Variants in AOX1 observed in about 807,000 individuals in gnomAD.
The protein encoded by AOX1 is aldehyde oxidase.
AOX1 carries 153 observed loss-of-function variants against 169.5 expected under a neutral mutation model. The ratio of observed to expected loss-of-function variants is 0.90; its 90% confidence interval spans 0.79 to 1.03. AOX1 has a LOEUF of 1.03. Among genes scored for constraint, AOX1 ranks in the 50% least tolerant of loss-of-function variants. AOX1 has a pLI of 0.00. For missense variants in AOX1, 1,656 were observed against 1,663.9 expected, an observed-to-expected ratio of 1.00 and a Z score of 0.08; for synonymous variants, 562 against 581.9, an observed-to-expected ratio of 0.97 and a Z score of 0.49.
chr2:200,663,500 A>G (rs1045470940), intron 31 of AOX1, among the ~76,000 whole-genome samples: 10 of 151,568 alleles, frequency 6.6e-5, no homozygotes, highest in African/African-American at 2.2e-4. Context: ...GAGCATCCTT[A>G]TGCTTTCAAG....
At chr2:200,643,747 C>T (rs761331582) in intron 25 of AOX1, among the ~76,000 whole-genome samples, 4 of 152,104 alleles carry the variant, frequency 2.6e-5, no homozygotes, top group Admixed American at 2.0e-4. Context: ...TGATTATGGC[C>T]ATTCTTGCAA....
chr2:200,627,203 T>G, intron 19 of AOX1, 150 bp from the exon 20 acceptor site: 1 of 617,922 alleles, frequency 1.6e-6, no homozygotes, highest in Admixed American at 2.6e-5. Flanking sequence ...GATTCTTAGC[T>G]TGGCTCACCA....
chr2:200,605,786 T>A (rs1231363696), intron 10 of AOX1, among the ~76,000 whole-genome samples, 158 bp downstream of exon 10: 1 of 152,218 alleles, frequency 6.6e-6, no homozygotes, highest in African/African-American at 2.4e-5. Flanking sequence ...ATAAATGTCT[T>A]CTTTTGAGGA....
At chr2:200,661,267 G>A (rs1416056266) in intron 29 of AOX1, among the ~76,000 whole-genome samples, 2 of 152,162 alleles carry the variant, frequency 1.3e-5, no homozygotes, top group Non-Finnish European at 2.9e-5. Context: ...TTTCTAAAAT[G>A]TCCCATCTTA....
At chr2:200,660,514 T>G (rs888446957) in intron 29 of AOX1, among the ~76,000 whole-genome samples, 1 of 152,226 alleles carries the variant, frequency 6.6e-6, no homozygotes, top group African/African-American at 2.4e-5. Flanking sequence ...GGGTATATGT[T>G]CATCCAGTAA....
At chr2:200,675,300 A>G (rs1327151022), downstream of AOX1, among the ~76,000 whole-genome samples, 3 of 152,226 alleles carry the variant, frequency 2.0e-5, no homozygotes, top group Non-Finnish European at 2.9e-5. Flanking sequence ...CAGATAGATA[A>G]ATAAAAAACC....
intron 21 of AOX1, among the ~76,000 whole-genome samples, chr2:200,636,246 A>G (rs1014356282): frequency 4.8e-5 from 7 of 146,068 alleles, no homozygotes; most frequent in Non-Finnish European, 1.0e-4. Context: ...CTCCGGCCTC[A>G]GCCTCCTGAG....
At chr2:200,638,474 C>T (rs2035286363) in intron 23 of AOX1, among the ~76,000 whole-genome samples, 172 bp downstream of exon 23, 2 of 152,270 alleles carry the variant, frequency 1.3e-5, no homozygotes, top group Admixed American at 6.5e-5. Context: ...CTAGCTGGTT[C>T]AATGGAGGCT....
rs1428935186 is a variant in AOX1, at chr2:200,634,816, A to T, written c.2247A>T (p.Glu749Asp). 1.2e-6 allele frequency: 2 copies of T among 1,614,072 alleles called. No homozygotes were observed. The highest frequency in any genetic ancestry group is 1.7e-6 in the Non-Finnish European group (2 of 1,179,978). The change falls in exon 21 of 35, where the codon GAA becomes GAT. Residue 749 changes from glutamate to aspartate, a missense_variant. Physicochemically the swap from Glu to Asp is conservative, Grantham distance 45 (BLOSUM62 2). Coordinates refer to ENST00000374700, the MANE Select transcript of AOX1 (RefSeq NM_001159.4). ...GTGAAATACATATGGGAGGTCAAGA[A>T]CATTTTTATATGGAAACCCAAAGCA... The part of the protein sequence containing the change: ...LEGEIHMGGQ[E>D]HFYMETQSML...
downstream of AOX1, among the ~76,000 whole-genome samples, chr2:200,680,876 C>G (rs2036146704): frequency 1.3e-5 from 2 of 152,212 alleles, no homozygotes; most frequent in Non-Finnish European, 2.9e-5. Context: ...GATTTTTAAA[C>G]TTACATACTG....
At chr2:200,637,355 G>A (rs544352964) in intron 22 of AOX1, among the ~76,000 whole-genome samples, 3 of 152,156 alleles carry the variant, frequency 2.0e-5, no homozygotes, top group African/African-American at 7.2e-5. Flanking sequence ...TATATGTAGA[G>A]GTCATATATA....
At chr2:200,632,368 A>T (rs556176369) in intron 20 of AOX1, among the ~76,000 whole-genome samples, 1 of 151,344 alleles carries the variant, frequency 6.6e-6, no homozygotes, top group Non-Finnish European at 1.5e-5. Flanking sequence ...ATAAAATATC[A>T]CAGTCTGGTT....
intron 12 of AOX1, 80 bp downstream of exon 12, chr2:200,609,494 C>A: frequency 8.2e-7 from 1 of 1,215,972 alleles, no homozygotes; most frequent in Non-Finnish European, 1.2e-6. Flanking sequence ...GAAATCCAGT[C>A]TTGAAAATGA....
chr2:200,610,824 C>CT (rs899718778), intron 12 of AOX1, among the ~76,000 whole-genome samples: 5 of 152,060 alleles, frequency 3.3e-5, no homozygotes, highest in African/African-American at 1.2e-4. Flanking sequence ...TCTGTGAGAT[C>CT]TTTTCATCTA....
At chr2:200,646,825 T>C (rs1268867268) in intron 25 of AOX1, among the ~76,000 whole-genome samples, 1 of 152,208 alleles carries the variant, frequency 6.6e-6, no homozygotes, top group Non-Finnish European at 1.5e-5. Flanking sequence ...TCTTTGTCTC[T>C]TTTAACTCTG....
intron 1 of AOX1, among the ~76,000 whole-genome samples, chr2:200,586,781 C>T (rs1029237352): frequency 2.0e-5 from 3 of 152,236 alleles, no homozygotes. Flanking sequence ...TGGGTGCGGG[C>T]TCTGTCGCCT....
downstream of AOX1, among the ~76,000 whole-genome samples, chr2:200,671,769 A>G (rs190478171): frequency 5.9e-5 from 9 of 152,326 alleles, no homozygotes; most frequent in East Asian, 5.8e-4. Flanking sequence ...GGAGTTAAAC[A>G]TAGTTAACAT....
At chr2:200,609,285 A>C (rs1267794910) in intron 11 of AOX1, 36 bp from the exon 12 acceptor site, 3 of 1,601,974 alleles carry the variant, frequency 1.9e-6, no homozygotes, top group East Asian at 4.5e-5. Flanking sequence ...CTTTTTTATG[A>C]TTACATAAAT....
intron 20 of AOX1, among the ~76,000 whole-genome samples, chr2:200,634,096 AT>A (rs896666714): frequency 1.4e-5 from 2 of 147,802 alleles, no homozygotes; most frequent in African/African-American, 2.5e-5. Flanking sequence ...TATTGTCTTA[AT>A]TTTTTTGTCT....
Sources: allele counts gnomAD v4.1 joint callset (sites outside exome capture counted in the v4.1 genomes callset), GRCh38; gene constraint gnomAD v4.1.1; transcripts MANE v1.5; gene names NCBI Gene and HGNC (gene_info 2026-07-23, HGNC 2026-07-21).